The following GRIP1 variants were observed in gnomAD, a reference collection of about 807,000 sequenced individuals.
GRIP1 encodes the protein glutamate receptor interacting protein 1, also known as glutamate receptor-interacting protein 1.
Under a neutral mutation model 129.9 loss-of-function variants are expected in GRIP1, and 45 were observed. The ratio of observed to expected loss-of-function variants is 0.35; its 90% CI spans 0.27 to 0.44. The LOEUF (loss-of-function observed/expected upper bound fraction) is 0.44, where lower values mean the gene tolerates loss of function less well. Among genes scored for constraint, GRIP1 ranks in the 20% least tolerant of loss-of-function variants. The pLI is 1.00. For missense variants in GRIP1, 1,196 were observed against 1,396.8 expected (o/e 0.86, Z 2.29); for synonymous variants, 530 against 520.8 (o/e 1.02, Z -0.24).
chr12:66,938,696 T>C (rs139474893), intron 1 of GRIP1, among the ~76,000 whole-genome samples: 1,748 of 152,188 alleles, frequency 0.011, 22 homozygotes, highest in South Asian at 0.035. Flanking sequence ...TAGTGGCTCA[T>C]GCCTGTAATC....
intron 1 of GRIP1, among the ~76,000 whole-genome samples, chr12:66,827,387 TGAGA>T (rs112366252): frequency 0.046 from 5,007 of 108,214 alleles, 114 homozygotes; most frequent in Non-Finnish European, 0.059. Flanking sequence ...TGTGTGTGTG[TGAGA>T]GAGAGAGAGA....
At chr12:66,933,448 T>C (rs1474433363) in intron 1 of GRIP1, among the ~76,000 whole-genome samples, 5 of 152,242 alleles carry the variant, frequency 3.3e-5, no homozygotes, top group African/African-American at 1.2e-4. Flanking sequence ...TTTGTAGATT[T>C]TGAAATGTAT....
chr12:67,026,838 T>C (rs1436926559), intron 1 of GRIP1, among the ~76,000 whole-genome samples: 2 of 152,216 alleles, frequency 1.3e-5, no homozygotes, highest in Non-Finnish European at 2.9e-5. Flanking sequence ...AGCCTTATTT[T>C]ATGACAAAAT....
intron 1 of GRIP1, among the ~76,000 whole-genome samples, chr12:67,002,634 G>C (rs1212219213): frequency 6.6e-6 from 1 of 152,040 alleles, no homozygotes; most frequent in African/African-American, 2.4e-5. Context: ...TGATTAATTG[G>C]GTTCATGATT....
chr12:66,832,819 C>T (rs920936381), intron 1 of GRIP1, among the ~76,000 whole-genome samples: 6 of 152,318 alleles, frequency 3.9e-5, no homozygotes, highest in Middle Eastern at 3.4e-3. Context: ...AAGTAAAGTG[C>T]ATCAGTGACT....
chr12:66,607,991 C>T (rs2064613584), intron 1 of GRIP1, among the ~76,000 whole-genome samples: 1 of 152,168 alleles, frequency 6.6e-6, no homozygotes, highest in South Asian at 2.1e-4. Context: ...TTAGAACCAA[C>T]ACCTTCTTGT....
chr12:66,897,598 A>G (rs905918422), intron 1 of GRIP1, among the ~76,000 whole-genome samples: 1 of 152,210 alleles, frequency 6.6e-6, no homozygotes, highest in Non-Finnish European at 1.5e-5. Context: ...GTGGCGGATG[A>G]GCTAAACAGA....
At chr12:66,514,916 A>C (rs1330754671) in intron 7 of GRIP1, among the ~76,000 whole-genome samples, 1 of 152,120 alleles carries the variant, frequency 6.6e-6, no homozygotes, top group Non-Finnish European at 1.5e-5. Context: ...AGCATGATTT[A>C]AGTTTCAATT....
chr12:66,575,314 T>C lies in GRIP1; in HGVS notation c.136+21533A>G, dbSNP rs543371596. Among the ~76,000 whole-genome samples the C allele has an allele frequency of 1.8e-4, 28 of 152,330 alleles. No individual in the cohort carries two copies. In the East Asian group the frequency reaches 4.6e-3, roughly 25 times the overall value. On this transcript the variant is annotated intron_variant, in intron 2 of 24. Transcript: ENST00000359742. ...ACATCTTCATGCACAGGTGTGAGTATTATTAAAGGATATATTCCCAGAAAT... is the reference window on the plus strand; with the variant it reads ...ACATCTTCATGCACAGGTGTGAGTACTATTAAAGGATATATTCCCAGAAAT...
At chr12:66,978,745 A>G (rs1202477400) in intron 1 of GRIP1, among the ~76,000 whole-genome samples, 1 of 152,224 alleles carries the variant, frequency 6.6e-6, no homozygotes, top group East Asian at 1.9e-4. Flanking sequence ...GAAAACAAAC[A>G]AACAAAAAAC....
At chr12:66,715,471 T>TGTGTGAGAGAGAGA (rs761155485) in intron 1 of GRIP1, among the ~76,000 whole-genome samples, 2 of 110,056 alleles carry the variant, frequency 1.8e-5, no homozygotes, top group African/African-American at 6.8e-5. Context: ...TGTGTGTGTG[T>TGTGTGAGAGAGAGA]GAGAGAGAGA....
At chr12:67,060,722 C>T (rs1264009511) in intron 1 of GRIP1, among the ~76,000 whole-genome samples, 1 of 151,164 alleles carries the variant, frequency 6.6e-6, no homozygotes, top group Non-Finnish European at 1.5e-5. Context: ...ACTGAGGAGG[C>T]TGAGGCAGGA....
At chr12:66,563,959 G>C (rs961268188) in intron 2 of GRIP1, 18 of 152,370 alleles carry the variant, frequency 1.2e-4, no homozygotes, top group African/African-American at 4.1e-4. Flanking sequence ...CCTAGCCCAA[G>C]GCTTGGCAGC....
intron 7 of GRIP1, among the ~76,000 whole-genome samples, chr12:66,498,395 A>G (rs1419420765): frequency 6.6e-6 from 1 of 152,168 alleles, no homozygotes; most frequent in Non-Finnish European, 1.5e-5. Flanking sequence ...TATCATATAA[A>G]CGTTGTGTTA....
chr12:66,473,244 G>A (rs1042091270), intron 7 of GRIP1, among the ~76,000 whole-genome samples: 20 of 152,292 alleles, frequency 1.3e-4, no homozygotes, highest in African/African-American at 4.3e-4. Context: ...ACTGCAGCTC[G>A]GCAAAGCTGC....
At chr12:66,634,744 T>C (rs2031186559) in intron 1 of GRIP1, among the ~76,000 whole-genome samples, 3 of 152,236 alleles carry the variant, frequency 2.0e-5, no homozygotes, top group Admixed American at 1.3e-4. Context: ...CACATTTAAC[T>C]GAATGTGAGC....
At chr12:66,461,619 A>C (rs1357390588) in intron 9 of GRIP1, among the ~76,000 whole-genome samples, 2 of 152,194 alleles carry the variant, frequency 1.3e-5, no homozygotes, top group African/African-American at 4.8e-5. Flanking sequence ...AAATCTGATA[A>C]GGGTAATGTT....
At chr12:66,430,774 T>G (rs1011575677) in intron 14 of GRIP1, among the ~76,000 whole-genome samples, 1 of 152,214 alleles carries the variant, frequency 6.6e-6, no homozygotes, top group African/African-American at 2.4e-5. Flanking sequence ...CTACTTAAAA[T>G]TTGAGAGTAA....
chr12:66,522,789 T>C (rs1427011423), intron 5 of GRIP1, among the ~76,000 whole-genome samples: 2 of 151,942 alleles, frequency 1.3e-5, no homozygotes, highest in Non-Finnish European at 2.9e-5. Context: ...GAAAAAAAAT[T>C]AGACGAATGG....
Sources: allele counts gnomAD v4.1 joint callset (sites outside exome capture counted in the v4.1 genomes callset), GRCh38; gene constraint gnomAD v4.1.1; transcripts MANE v1.5; gene names NCBI Gene and HGNC (gene_info 2026-07-23, HGNC 2026-07-21).